The following ANGPTL6 variants were observed in gnomAD, a reference collection of about 807,000 sequenced individuals.
ANGPTL6 encodes angiopoietin-related protein 6.
Under a neutral mutation model 47.4 loss-of-function variants are expected in ANGPTL6, and 45 were observed. The observed-to-expected ratio is 0.95, with a 90% confidence interval of 0.75 to 1.22. The LOEUF (loss-of-function observed/expected upper bound fraction) is 1.22, where lower values mean the gene tolerates loss of function less well. Among genes scored for constraint, ANGPTL6 ranks in the 50% most tolerant of loss-of-function variants. ANGPTL6 has a pLI of 0.00. For synonymous variants in ANGPTL6, 290 were observed against 295.9 expected, an observed-to-expected ratio of 0.98 and a Z score of 0.20; for missense variants, 698 against 669.4, an observed-to-expected ratio of 1.04 and a Z score of -0.47.
intron 1 of ANGPTL6, among the ~76,000 whole-genome samples, chr19:10,099,369 G>A (rs2088622657): frequency 6.6e-6 from 1 of 152,036 alleles, no homozygotes; most frequent in Non-Finnish European, 1.5e-5. Context: ...GAGGTCAGGA[G>A]ATCGAGACCA....
At chr19:10,096,728 G>A in intron 1 of ANGPTL6, 155 bp from the exon 2 acceptor site, 1 of 548,980 alleles carries the variant, frequency 1.8e-6, no homozygotes, top group Non-Finnish European at 3.1e-6. Context: ...AGGGCCCCAG[G>A]GTGATCCCAC....
Position 10,092,517 on chromosome 19 carries a change from G to C in ANGPTL6, c.*72C>G, listed in dbSNP as rs1243373398. The C allele has an allele frequency of 6.5e-7, 1 of 1,531,236 alleles. No homozygotes were observed. Among genetic ancestry groups the C allele is most frequent in the Admixed American group, 2.0e-5 (1 of 51,182 alleles). 94.9% of individuals were successfully genotyped at this position (1,531,236 alleles called of 1,614,324 possible). The stretch of plus-strand genomic sequence containing the variant: ...CACATTGGCACTGAGCCACAAAGAA[G>C]GTGTGGCCAGAACAACTTGGGCTCC... On this transcript the variant is annotated 3_prime_UTR_variant, in exon 6 of 6. Transcript: ENST00000253109.
At chr19:10,104,081 CAAAAA>C (rs33948028), upstream of ANGPTL6, among the ~76,000 whole-genome samples, 2 of 74,184 alleles carry the variant, frequency 2.7e-5, no homozygotes, top group Non-Finnish European at 5.2e-5. Context: ...GACTCTGTCT[CAAAAA>C]AAAAAAAAAA....
intron 1 of ANGPTL6, among the ~76,000 whole-genome samples, chr19:10,101,184 G>C (rs768637680): frequency 1.1e-4 from 16 of 151,854 alleles, no homozygotes; most frequent in Admixed American, 2.0e-4. Context: ...ACTCCAGCCT[G>C]GGCAATAGAG....
chr19:10,103,858 G>A (rs1006533700), upstream of ANGPTL6, among the ~76,000 whole-genome samples: 3 of 149,552 alleles, frequency 2.0e-5, no homozygotes, highest in Admixed American at 6.6e-5. Flanking sequence ...ACTTTGGGAG[G>A]CCAAGGTGGG....
chr19:10,103,604 TAA>T, upstream of ANGPTL6, among the ~76,000 whole-genome samples: 1 of 32,776 alleles, frequency 3.1e-5, no homozygotes, highest in Non-Finnish European at 5.3e-5. Context: ...CAAAAATAAA[TAA>T]ATAAATAAAT....
At position 10,096,305 on chromosome 19, in the gene ANGPTL6, C is replaced by G; in HGVS notation, c.259G>C (p.Gly87Arg). Residue 87 changes from glycine (G) to arginine (R), a missense_variant, in exon 2 of 6, where the codon GGC becomes CGC. By Grantham distance (125) the Gly-to-Arg change is moderately radical. Transcript: ENST00000253109. ...RELQRLAAAD[G>R]AVAGEVRALR... is the part of the protein sequence containing the mutation. Reference sequence around the variant, plus strand: ...GCGCGCACCTCGCCGGCCACGGCGCCGTCGGCCGCCGCCAGCCTCTGCAGC... The same window carrying G: ...GCGCGCACCTCGCCGGCCACGGCGCGGTCGGCCGCCGCCAGCCTCTGCAGC... The G allele has an allele frequency of 1.6e-6, 2 of 1,237,854 alleles. No individual in the cohort carries two copies. The highest frequency in any genetic ancestry group is 4.3e-5 in the Admixed American group (1 of 23,524). The allele number at this position is 1,237,854 out of a possible 1,614,324, so 76.7% of individuals were successfully genotyped here.
At chr19:10,106,155 G>T, upstream of ANGPTL6, 1 of 661,106 alleles carries the variant, frequency 1.5e-6, no homozygotes, top group African/African-American at 1.9e-5. Context: ...GATTCGAACC[G>T]GCGGATTCGT....
rs570220793 is a variant in ANGPTL6, at chr19:10,092,959, G to C, written c.1223-180C>G. ...CCCTGGCCCCCCAACTTTCTTCAGA[G>C]TAATAGCCTTAATTCCTTCCCTATC... On this transcript the variant is annotated intron_variant, in intron 5 of 5. Transcript: ENST00000253109. 9.3e-6 allele frequency: 5 copies of C among 539,388 alleles called. No individual in the cohort carries two copies. The East Asian group carries it at 1.5e-4, about 16-fold the overall frequency. 33.4% of individuals were successfully genotyped at this position (539,388 alleles called of 1,614,324 possible).
At position 10,093,673 on chromosome 19, in the gene ANGPTL6, C is replaced by T; in HGVS notation, c.951+20G>A. On this transcript the variant is annotated intron_variant, in intron 4 of 5. Transcript: ENST00000253109. ...GAACAGGCTCCCTCCCCTTCCCTGC[C>T]TCTGCCCACCTGTGCCCACCTTATA... 6.2e-7 allele frequency: 1 copy of T among 1,613,640 alleles called. No homozygotes were observed. The highest frequency in any genetic ancestry group is 8.5e-7 in the Non-Finnish European group (1 of 1,179,550).
At chr19:10,099,746 T>C (rs1044684322) in intron 1 of ANGPTL6, among the ~76,000 whole-genome samples, 2 of 151,862 alleles carry the variant, frequency 1.3e-5, no homozygotes, top group African/African-American at 4.8e-5. Context: ...TTCCTATCCT[T>C]ATTCAAGTCT....
intron 1 of ANGPTL6, among the ~76,000 whole-genome samples, 171 bp downstream of exon 1, chr19:10,102,397 C>T (rs2088703344): frequency 6.6e-6 from 1 of 151,536 alleles, no homozygotes; most frequent in East Asian, 1.9e-4. Flanking sequence ...GCCCCACCCC[C>T]CACAACAGAG....
At chr19:10,103,861 A>G (rs189191561), upstream of ANGPTL6, among the ~76,000 whole-genome samples, 1,294 of 148,498 alleles carry the variant, frequency 8.7e-3, 18 homozygotes, top group African/African-American at 0.028. Flanking sequence ...TTGGGAGGCC[A>G]AGGTGGGCAG....
upstream of ANGPTL6, among the ~76,000 whole-genome samples, chr19:10,103,468 T>C (rs929280216): frequency 6.6e-6 from 1 of 151,450 alleles, no homozygotes; most frequent in South Asian, 2.1e-4. Context: ...CATGCGCCAG[T>C]AATCCCAGCT....
At position 10,093,900 on chromosome 19, in the gene ANGPTL6, G is replaced by A; in HGVS notation, c.764-20C>T. Reference sequence around the variant, plus strand: ...ACGGGCCTGTGGGCACAGGGATAGGGGGGAGGCACAGCCTGGGCTGACCAA... The same window carrying A: ...ACGGGCCTGTGGGCACAGGGATAGGAGGGAGGCACAGCCTGGGCTGACCAA... On this transcript the variant is annotated intron_variant, in intron 3 of 5. Transcript: ENST00000253109. 2 of 1,604,002 alleles carry A rather than the reference G, an allele frequency of 1.2e-6. No individual in the cohort carries two copies.
chr19:10,095,144 G>A (rs192995411), intron 2 of ANGPTL6, among the ~76,000 whole-genome samples: 13 of 152,294 alleles, frequency 8.5e-5, no homozygotes, highest in African/African-American at 2.2e-4. Context: ...GCTATGGCCC[G>A]TGCCTGTAAT....
Position 10,096,144 on chromosome 19 carries a change from C to T in ANGPTL6, c.420G>A (p.Gly140=), listed in dbSNP as rs777914028. The T allele has an allele frequency of 7.3e-7, 1 of 1,378,988 alleles. No individual in the cohort carries two copies. Among genetic ancestry groups the T allele is most frequent in the Non-Finnish European group, 9.4e-7 (1 of 1,065,428 alleles). 85.4% of individuals were successfully genotyped at this position (1,378,988 alleles called of 1,614,324 possible). A position where few individuals can be genotyped will look rare whatever the true frequency, so the allele number is the denominator to read the frequency against. ...AEPAAALALL[G]ERVLNASAEA... is the part of the protein sequence containing the mutation. ...CGGCGGACGCGTTGAGCACGCGCTC[C>T]CCGAGCAGCGCCAGCGCCGCGGCAG... is the stretch of plus-strand genomic sequence containing the variant. The change falls in exon 2 of 6, where the codon GGG becomes GGA. Residue 140 remains glycine, a synonymous_variant. Transcript: ENST00000253109.
Position 10,093,386 on chromosome 19 carries a change from G to A in ANGPTL6, c.1185C>T (p.Pro395=). ...GDSLSWHNDK[P]FSTVDRDRDS... ...CTCGGTCCCTATCCACGGTGCTGAA[G>A]GGCTTGTCATTGTGCCAGGAAAGAG... is the stretch of plus-strand genomic sequence containing the variant. Residue 395 remains proline (P), a synonymous_variant, in exon 5 of 6, where the codon CCC becomes CCT. Coordinates refer to ENST00000253109, the MANE Select transcript of ANGPTL6 (RefSeq NM_031917.3). 3.1e-6 allele frequency: 5 copies of A among 1,614,124 alleles called. No individual in the cohort carries two copies. Among genetic ancestry groups the A allele is most frequent in the Non-Finnish European group, 4.2e-6 (5 of 1,180,018 alleles).
chr19:10,105,144 G>A (rs968911422), upstream of ANGPTL6, among the ~76,000 whole-genome samples: 4 of 152,186 alleles, frequency 2.6e-5, no homozygotes, highest in Non-Finnish European at 4.4e-5. Context: ...CGAGTAACTC[G>A]AGTGGACTCC....
Sources: allele counts gnomAD v4.1 joint callset (sites outside exome capture counted in the v4.1 genomes callset), GRCh38; gene constraint gnomAD v4.1.1; transcripts MANE v1.5; gene names NCBI Gene and HGNC (gene_info 2026-07-23, HGNC 2026-07-21).